PTPRG: variants seen among roughly 807,000 people sequenced by gnomAD.
PTPRG encodes the protein protein tyrosine phosphatase receptor type G.
PTPRG carries 102 observed loss-of-function variants against 165.3 expected under a neutral mutation model. The ratio of observed to expected loss-of-function variants is 0.62; its 90% CI spans 0.53 to 0.73. PTPRG has a LOEUF of 0.73. Ranked by LOEUF, PTPRG falls within the 30% of genes least tolerant of loss-of-function variation. PTPRG has a pLI of 0.00. For synonymous variants in PTPRG, 675 were observed against 669.5 expected (o/e 1.01, Z -0.13); for missense variants, 1,866 against 1,861.4 (o/e 1.00, Z -0.05).
At chr3:62,025,839 C>G (rs2041791440) in intron 4 of PTPRG, among the ~76,000 whole-genome samples, 1 of 152,212 alleles carries the variant, frequency 6.6e-6, no homozygotes. Flanking sequence ...GAGAAAATCT[C>G]TAGCAGTGGC....
chr3:62,082,967 G>A (rs944387850), intron 5 of PTPRG, among the ~76,000 whole-genome samples: 3 of 152,068 alleles, frequency 2.0e-5, no homozygotes, highest in Non-Finnish European at 4.4e-5. Context: ...GTTCCCTATC[G>A]AAAGCATAGG....
intron 1 of PTPRG, among the ~76,000 whole-genome samples, chr3:61,724,520 G>T (rs2032178797): frequency 6.6e-6 from 1 of 151,998 alleles, no homozygotes. Flanking sequence ...GAATACAGTT[G>T]CTGGGGTGTA....
At chr3:62,109,873 G>A (rs987819333) in intron 5 of PTPRG, among the ~76,000 whole-genome samples, 17 of 152,064 alleles carry the variant, frequency 1.1e-4, no homozygotes, top group African/African-American at 3.1e-4. Context: ...GTGCTGGTCC[G>A]CTCTCACTCC....
Position 61,564,183 on chromosome 3 carries a change from T to A in PTPRG, c.85+1811T>A, listed in dbSNP as rs182524292. On this transcript the variant is annotated intron_variant, in intron 1 of 29. Transcript: ENST00000474889. ...CACTGCTCAGTATTTGGGTTAATCATCTCTCCTTTCTAGTCTCCCCTGCTT... is the reference window on the plus strand; with the variant it reads ...CACTGCTCAGTATTTGGGTTAATCAACTCTCCTTTCTAGTCTCCCCTGCTT... 4.3e-3 allele frequency among the ~76,000 whole-genome samples: 658 copies of A among 152,334 alleles called. 5 individuals carry two copies. Among genetic ancestry groups the A allele is most frequent in the Non-Finnish European group, 6.8e-3 (460 of 68,034 alleles).
At position 62,240,696 on chromosome 3, in the gene PTPRG, A is replaced by G. The variant is rs1701140198; in HGVS notation, c.2376-3111A>G. 2.0e-5 allele frequency among the ~76,000 whole-genome samples: 3 copies of G among 152,196 alleles called. No homozygotes were observed. In the South Asian group the frequency reaches 6.2e-4, roughly 32 times the overall value. ...CCTTCCAGTTTCCTAAAATGCACCAAGCTCCCTCTGCTCTAAGGCTCTTCA... is the reference window on the plus strand; with the variant it reads ...CCTTCCAGTTTCCTAAAATGCACCAGGCTCCCTCTGCTCTAAGGCTCTTCA... On this transcript the variant is annotated intron_variant, in intron 14 of 29. Coordinates refer to ENST00000474889, the MANE Select transcript of PTPRG (RefSeq NM_002841.4). This position sits in a 1 kb window ranked among gnomAD's most constrained non-coding sequence, Gnocchi z 5.1.
At chr3:61,756,461 A>G (rs1202855256) in intron 2 of PTPRG, among the ~76,000 whole-genome samples, 1 of 152,242 alleles carries the variant, frequency 6.6e-6, no homozygotes, top group Non-Finnish European at 1.5e-5. Flanking sequence ...GTGTTGCCAT[A>G]TGCTTAAGGT....
At chr3:61,716,552 A>G (rs2031816171) in intron 1 of PTPRG, among the ~76,000 whole-genome samples, 1 of 150,276 alleles carries the variant, frequency 6.7e-6, no homozygotes, top group African/African-American at 2.5e-5. Flanking sequence ...CCCATTGCGT[A>G]CTCTTTTTTT....
At chr3:62,186,567 C>CCTTTTTTTTTTTTT (rs1705895088) in intron 8 of PTPRG, among the ~76,000 whole-genome samples, 1 of 117,542 alleles carries the variant, frequency 8.5e-6, no homozygotes, top group African/African-American at 3.5e-5. Flanking sequence ...TTTTCTTTTC[C>CCTTTTTTTTTTTTT]TTTTTTTTTT....
At position 62,145,539 on chromosome 3, in the gene PTPRG, AGATGAT is replaced by A. The variant is rs148115531; in HGVS notation, c.683-11507_683-11502del. ...ATACAAAAATAAAATGAAATGATGA[AGATGAT>A]GATGATGATGATGATGATGACGAAG... On this transcript the variant is annotated intron_variant, in intron 6 of 29. Transcript: ENST00000474889. Among the ~76,000 whole-genome samples, 19 of 151,956 alleles carry A rather than the reference AGATGAT, an allele frequency of 1.3e-4. No homozygotes were observed. The East Asian group carries it at 1.9e-3, about 15-fold the overall frequency.
At chr3:61,850,383 G>C (rs1051356775) in intron 2 of PTPRG, among the ~76,000 whole-genome samples, 3 of 152,050 alleles carry the variant, frequency 2.0e-5, no homozygotes, top group African/African-American at 7.2e-5. Context: ...CAGGCTGGTC[G>C]TGAACTCCTG....
At chr3:62,152,242 C>G (rs1576068816) in intron 6 of PTPRG, among the ~76,000 whole-genome samples, 1 of 151,008 alleles carries the variant, frequency 6.6e-6, no homozygotes, top group South Asian at 2.1e-4. Context: ...CATGGTGATA[C>G]AAGCCTATAG....
chr3:61,566,021 G>A (rs1699905362), intron 1 of PTPRG, among the ~76,000 whole-genome samples: 1 of 152,046 alleles, frequency 6.6e-6, no homozygotes, highest in Non-Finnish European at 1.5e-5. Flanking sequence ...CTTTGACACA[G>A]TTATGGAATA....
rs1387859953 is a variant in PTPRG, at chr3:62,233,176, G to A, written c.2375+1865G>A. ...GGTTGCCTTGGGACTCCACTGCAGC[G>A]GCGTGAATCCTGAGCAGTACCCCCT... is the stretch of plus-strand genomic sequence containing the variant. On this transcript the variant is annotated intron_variant, in intron 14 of 29. Transcript: ENST00000474889. This position sits in a 1 kb window ranked among gnomAD's most constrained non-coding sequence, Gnocchi z 4.7. 1.3e-4 allele frequency among the ~76,000 whole-genome samples: 20 copies of A among 152,230 alleles called. No individual in the cohort carries two copies. The highest frequency in any genetic ancestry group is 2.1e-4 in the Non-Finnish European group (14 of 68,018).
chr3:62,085,500 G>A (rs1559788382), intron 5 of PTPRG, among the ~76,000 whole-genome samples: 1 of 152,156 alleles, frequency 6.6e-6, no homozygotes, highest in African/African-American at 2.4e-5. Flanking sequence ...AATAAAATGC[G>A]TTTATCTCAC....
At chr3:62,054,639 A>C (rs915655944) in intron 4 of PTPRG, among the ~76,000 whole-genome samples, 1 of 152,240 alleles carries the variant, frequency 6.6e-6, no homozygotes, top group South Asian at 2.1e-4. Context: ...CTGCCTAATC[A>C]TGTGTCTCTT....
intron 2 of PTPRG, chr3:61,749,907 G>A (rs191551611): frequency 6.6e-6 from 1 of 152,048 alleles, no homozygotes; most frequent in East Asian, 2.0e-4. Context: ...AATGATGCTC[G>A]GGTTTAAATC....
chr3:61,780,698 A>T (rs949037585), intron 2 of PTPRG, among the ~76,000 whole-genome samples: 2 of 152,166 alleles, frequency 1.3e-5, no homozygotes, highest in African/African-American at 4.8e-5. Flanking sequence ...CATTTATATG[A>T]TCTGCCACAC....
At chr3:61,990,824 G>C (rs1349385268) in intron 3 of PTPRG, among the ~76,000 whole-genome samples, 1 of 151,756 alleles carries the variant, frequency 6.6e-6, no homozygotes, top group Non-Finnish European at 1.5e-5. Flanking sequence ...TTGGCTGTCA[G>C]AGCCCTCATG....
intron 10 of PTPRG, among the ~76,000 whole-genome samples, chr3:62,196,982 C>A (rs4479591): frequency 6.6e-6 from 1 of 152,040 alleles, no homozygotes; most frequent in Non-Finnish European, 1.5e-5. Context: ...GCATCAGAAT[C>A]TTACCTGGGG....
Sources: gnomAD v4.1 joint callset for allele counts (sites outside exome capture counted in the v4.1 genomes callset) on GRCh38, gnomAD v4.1.1 for gene constraint, Gnocchi (gnomAD v3.1) non-coding constraint, MANE v1.5 for transcripts, NCBI Gene and HGNC (gene_info 2026-07-23, HGNC 2026-07-21) for gene names.